AFM: variants seen among roughly 807,000 people sequenced by gnomAD.
AFM encodes the protein alpha-Alb.
A neutral mutation model predicts 68.7 loss-of-function variants in AFM; 82 were observed. That is an observed-to-expected ratio of 1.19 (90% CI 1.00 to 1.43). The LOEUF is 1.43. AFM is among the 40% of genes most tolerant of loss of function. AFM has a pLI of 0.00. For missense variants in AFM, 772 were observed against 701.8 expected (o/e 1.10, Z -1.13); for synonymous variants, 250 against 234.2 (o/e 1.07, Z -0.61).
intron 8 of AFM, 131 bp downstream of exon 8, chr4:73,492,217 A>G: frequency 1.3e-6 from 1 of 763,002 alleles, no homozygotes. Context: ...TTTTTTTTAA[A>G]TCATGGCTAT....
In AFM at chr4:73,500,057, C is replaced by G. The variant is rs377059229; in HGVS notation, c.1476C>G (p.Asn492Lys). The G allele has an allele frequency of 6.2e-7, 1 of 1,613,900 alleles. No homozygotes were observed. The highest frequency in any genetic ancestry group is 1.7e-5 in the Admixed American group (1 of 59,972). The stretch of plus-strand genomic sequence containing the variant: ...GAGTAAATGAAAATCGAACTATCAA[C>G]CCTGCTGTGGACCACTGCTGTAAAA... The part of the protein sequence containing the change: ...LCGVNENRTI[N>K]PAVDHCCKTN... Residue 492 changes from asparagine to lysine, a missense_variant, in exon 12 of 15, where the codon AAC becomes AAG. Transcript: ENST00000226355.
At chr4:73,503,635 C>T (rs1208551457) in intron 14 of AFM, among the ~76,000 whole-genome samples, 1 of 152,128 alleles carries the variant, frequency 6.6e-6, no homozygotes, top group African/African-American at 2.4e-5. Flanking sequence ...AGATGCCCTC[C>T]CCTTTGTGGC....
At chr4:73,487,980 G>A (rs1720953908) in intron 6 of AFM, among the ~76,000 whole-genome samples, 159 bp downstream of exon 6, 1 of 152,024 alleles carries the variant, frequency 6.6e-6, no homozygotes, top group Non-Finnish European at 1.5e-5. Flanking sequence ...CAGGACATTA[G>A]GTTGAGATGA....
rs1264225229 is a variant in AFM, at chr4:73,491,879, T to C, written c.851T>C (p.Val284Ala). The C allele has an allele frequency of 6.2e-7, 1 of 1,612,946 alleles. No individual in the cohort carries two copies. The highest frequency in any genetic ancestry group is 1.7e-5 in the Admixed American group (1 of 59,860). ...CATTCTTATTTGGTACAGAGCAAGGTTATGAACCATATTTGTTCAAAACAA... is the reference window on the plus strand; with the variant it reads ...CATTCTTATTTGGTACAGAGCAAGGCTATGAACCATATTTGTTCAAAACAA... ...VVQCIRDTSK[V>A]MNHICSKQDS... The change falls in exon 8 of 15, where the codon GTT becomes GCT. Residue 284 changes from valine (V) to alanine (A), a missense_variant. Transcript: ENST00000226355.
intron 7 of AFM, among the ~76,000 whole-genome samples, chr4:73,491,242 G>T (rs899101179): frequency 1.3e-5 from 2 of 152,186 alleles, no homozygotes; most frequent in African/African-American, 2.4e-5. Flanking sequence ...TGGTAGGGAT[G>T]GGGACAGAAT....
In AFM at chr4:73,503,089, T is replaced by G. The variant is rs778277656; in HGVS notation, c.*19T>G. 7.4e-6 allele frequency: 12 copies of G among 1,612,516 alleles called. No homozygotes were observed. The East Asian group carries it at 2.0e-4, about 27-fold the overall frequency. On this transcript the variant is annotated 3_prime_UTR_variant, in exon 14 of 15. Transcript: ENST00000226355. The stretch of plus-strand genomic sequence containing the variant: ...CAACTGAAGCCAGCTGCTGGAGATA[T>G]GTAAAGAAAAAAGCACCAAAGGTAA...
intron 5 of AFM, 45 bp downstream of exon 5, chr4:73,487,144 A>G (rs758774145): frequency 6.2e-7 from 1 of 1,604,524 alleles, no homozygotes; most frequent in Admixed American, 1.7e-5. Flanking sequence ...AAATCACTCA[A>G]TACCACAGAT....
rs557692154 is a variant in AFM, at chr4:73,501,697, C to G, written c.1647-90C>G. ...CTTTACCCACACCCAAGCTGAGACT[C>G]AAGACGTGATTCTGTAACAAGCATT... On this transcript the variant is annotated intron_variant, in intron 12 of 14. Coordinates refer to ENST00000226355, the MANE Select transcript of AFM (RefSeq NM_001133.2). 16 of 1,418,496 alleles carry G rather than the reference C, an allele frequency of 1.1e-5. No homozygotes were observed. The South Asian group carries it at 2.0e-4, about 18-fold the overall frequency. The allele number at this position is 1,418,496 out of a possible 1,614,324, so 87.9% of individuals were successfully genotyped here. A position where few individuals can be genotyped will look rare whatever the true frequency, so the allele number is the denominator to read the frequency against.
chr4:73,495,844 T>C (rs1721238847), intron 9 of AFM, among the ~76,000 whole-genome samples: 1 of 152,200 alleles, frequency 6.6e-6, no homozygotes, highest in Admixed American at 6.5e-5. Flanking sequence ...TTGTTGATTA[T>C]TAGGAAAGCA....
intron 7 of AFM, among the ~76,000 whole-genome samples, chr4:73,491,476 C>T (rs943085156): frequency 2.6e-5 from 4 of 152,058 alleles, no homozygotes; most frequent in African/African-American, 2.4e-5. Flanking sequence ...CAAGAGAAGA[C>T]CAGGATTATA....
At chr4:73,503,633 TC>T (rs1257974992) in intron 14 of AFM, among the ~76,000 whole-genome samples, 1 of 152,098 alleles carries the variant, frequency 6.6e-6, no homozygotes, top group Admixed American at 6.6e-5. Context: ...AAAGATGCCC[TC>T]CCCTTTGTGG....
chr4:73,487,014 C>T lies in AFM; in HGVS notation c.530C>T (p.Thr177Ile). 1 of 1,613,838 alleles carries T rather than the reference C, an allele frequency of 6.2e-7. No homozygotes were observed. Among genetic ancestry groups the T allele is most frequent in the Middle Eastern group, 1.6e-4 (1 of 6,062 alleles). The change falls in exon 5 of 15, where the codon ACA (threonine) becomes ATA (isoleucine). Residue 177 changes from threonine (T) to isoleucine (I), a missense_variant. Coordinates refer to ENST00000226355, the MANE Select transcript of AFM (RefSeq NM_001133.2). ...ARRNPFVFAP[T>I]LLTVAVHFEE... is the part of the protein sequence containing the mutation. The stretch of plus-strand genomic sequence containing the variant: ...AGGAACCCATTTGTCTTCGCCCCTA[C>T]ACTTCTAACTGTTGCTGTTCATTTT...
At chr4:73,487,148 C>A in intron 5 of AFM, 49 bp downstream of exon 5, 1 of 1,598,698 alleles carries the variant, frequency 6.3e-7, no homozygotes. Flanking sequence ...CACTCAATAC[C>A]ACAGATCCAG....
intron 13 of AFM, 140 bp from the exon 14 acceptor site, chr4:73,502,906 GAAGA>G (rs1721458790): frequency 3.8e-6 from 3 of 799,580 alleles, no homozygotes; most frequent in African/African-American, 3.5e-5. Flanking sequence ...TTTTTCACTA[GAAGA>G]AAGAATGTTT....
At chr4:73,497,258 G>C (rs1389077652) in intron 9 of AFM, among the ~76,000 whole-genome samples, 1 of 152,122 alleles carries the variant, frequency 6.6e-6, no homozygotes, top group Non-Finnish European at 1.5e-5. Context: ...ACTAGCTGGG[G>C]TATTCTGGGT....
intron 4 of AFM, 87 bp downstream of exon 4, chr4:73,486,160 GT>G: frequency 1.8e-6 from 2 of 1,113,330 alleles, no homozygotes; most frequent in Non-Finnish European, 2.6e-6. Context: ...ATATGGCTGG[GT>G]TCATTAATTT....
At chr4:73,485,769 T>C (rs1720883066) in intron 3 of AFM, 93 bp from the exon 4 acceptor site, 5 of 957,950 alleles carry the variant, frequency 5.2e-6, no homozygotes, top group Non-Finnish European at 6.4e-6. Context: ...CTGTTGGTAA[T>C]GGTGGGAAAA....
intron 14 of AFM, among the ~76,000 whole-genome samples, chr4:73,503,347 T>C (rs1157400261): frequency 1.3e-5 from 2 of 152,170 alleles, no homozygotes; most frequent in Non-Finnish European, 2.9e-5. Flanking sequence ...ATCAGTTTTC[T>C]AGATAACCAA....
Position 73,481,838 on chromosome 4 carries a change from C to G in AFM, c.63C>G (p.Thr21=), listed in dbSNP as rs769430447. The change falls in exon 1 of 15, where the codon ACC becomes ACG. Residue 21 remains threonine, a synonymous_variant. Coordinates refer to ENST00000226355, the MANE Select transcript of AFM (RefSeq NM_001133.2). ...TGTTTTTTTTGACTGAATCCCTAAC[C>G]CTGCCCACACAACCTCGGGATATAG... ...FFLFFLTESL[T]LPTQPRDIEN... is the part of the protein sequence containing the mutation. 6.2e-7 allele frequency: 1 copy of G among 1,607,818 alleles called. No homozygotes were observed. Among genetic ancestry groups the G allele is most frequent in the Non-Finnish European group, 8.5e-7 (1 of 1,176,784 alleles).
Sources: gnomAD v4.1 joint callset for allele counts (sites outside exome capture counted in the v4.1 genomes callset) on GRCh38, gnomAD v4.1.1 for gene constraint, MANE v1.5 for transcripts, NCBI Gene and HGNC (gene_info 2026-07-23, HGNC 2026-07-21) for gene names.